Variants in PIK3CB observed in about 807,000 individuals in gnomAD.
PIK3CB encodes phosphatidylinositol 4,5-bisphosphate 3-kinase catalytic subunit beta isoform.
A neutral mutation model predicts 136.8 loss-of-function variants in PIK3CB; 39 were observed. That is an observed-to-expected ratio of 0.29 (90% CI 0.22 to 0.37). The LOEUF is 0.37. PIK3CB is among the 10% of genes least tolerant of loss of function. The pLI is 1.00. For missense variants in PIK3CB, 868 were observed against 1,275.4 expected, an observed-to-expected ratio of 0.68 and a Z score of 4.87; for synonymous variants, 428 against 436.6, an observed-to-expected ratio of 0.98 and a Z score of 0.25.
intron 2 of PIK3CB, among the ~76,000 whole-genome samples, chr3:138,775,128 G>A (rs2045843065): frequency 6.6e-6 from 1 of 152,218 alleles, no homozygotes; most frequent in Admixed American, 6.5e-5. Context: ...AAAAACTGAA[G>A]AAGTATCTGT....
At chr3:138,805,604 G>A (rs912746795) in intron 1 of PIK3CB, among the ~76,000 whole-genome samples, 47 of 151,454 alleles carry the variant, frequency 3.1e-4, no homozygotes, top group African/African-American at 1.1e-3. Context: ...CCTGGGAGGC[G>A]GAGCTTGCAG....
At chr3:138,737,648 T>A (rs1241810573) in intron 6 of PIK3CB, 59 bp downstream of exon 6, 2 of 402,744 alleles carry the variant, frequency 5.0e-6, no homozygotes, top group Non-Finnish European at 7.4e-6. Flanking sequence ...AAATAAAATA[T>A]ATATATATAT....
chr3:138,782,639 G>A (rs890886465), intron 2 of PIK3CB, among the ~76,000 whole-genome samples: 2 of 152,196 alleles, frequency 1.3e-5, no homozygotes, highest in African/African-American at 2.4e-5. Flanking sequence ...CCAGTGGAAT[G>A]TTCAGTGGAA....
At chr3:138,806,836 T>C (rs1332432191) in intron 1 of PIK3CB, among the ~76,000 whole-genome samples, 2 of 152,182 alleles carry the variant, frequency 1.3e-5, no homozygotes, top group Non-Finnish European at 2.9e-5. Flanking sequence ...ATACCACCCT[T>C]AAAATACAAG....
chr3:138,783,175 A>C (rs1433031342), intron 2 of PIK3CB, among the ~76,000 whole-genome samples: 1 of 152,214 alleles, frequency 6.6e-6, no homozygotes, highest in Non-Finnish European at 1.5e-5. Context: ...ACATATCGAC[A>C]GCTCTCCTCT....
At chr3:138,812,907 C>T (rs946733384) in intron 1 of PIK3CB, among the ~76,000 whole-genome samples, 3 of 152,062 alleles carry the variant, frequency 2.0e-5, no homozygotes, top group Admixed American at 2.0e-4. Flanking sequence ...TATAATAAAA[C>T]TGAATGACCT....
intron 19 of PIK3CB, among the ~76,000 whole-genome samples, chr3:138,681,604 G>A (rs2043783960): frequency 6.6e-6 from 1 of 152,160 alleles, no homozygotes; most frequent in Non-Finnish European, 1.5e-5. Context: ...GGTAGGTAGA[G>A]AAATCAATGT....
At chr3:138,818,709 T>C (rs533018951) in intron 1 of PIK3CB, among the ~76,000 whole-genome samples, 1 of 152,308 alleles carries the variant, frequency 6.6e-6, no homozygotes, top group South Asian at 2.1e-4. Flanking sequence ...GGCTCCCTCC[T>C]GCTAAAGAGC....
chr3:138,808,934 C>T (rs946902836), intron 1 of PIK3CB, among the ~76,000 whole-genome samples: 1 of 151,714 alleles, frequency 6.6e-6, no homozygotes, highest in African/African-American at 2.4e-5. Context: ...AGTTTTTATA[C>T]AACACCAAAA....
chr3:138,788,946 A>G (rs1460000063), intron 2 of PIK3CB, among the ~76,000 whole-genome samples: 2 of 138,172 alleles, frequency 1.4e-5, no homozygotes, highest in Non-Finnish European at 3.0e-5. Context: ...ACTGGGGGAA[A>G]AGAGAGAGAC....
chr3:138,731,337 C>T (rs935257660), intron 8 of PIK3CB, among the ~76,000 whole-genome samples: 44 of 151,976 alleles, frequency 2.9e-4, no homozygotes, highest in Non-Finnish European at 6.0e-4. Flanking sequence ...GGGGCAGCCT[C>T]GACCTCCCAG....
chr3:138,761,704 A>G (rs1264550371), intron 2 of PIK3CB, among the ~76,000 whole-genome samples: 2 of 152,146 alleles, frequency 1.3e-5, no homozygotes, highest in Non-Finnish European at 2.9e-5. Flanking sequence ...TGGGAGGCAG[A>G]GGTTGCAGTG....
chr3:138,744,875 C>T (rs2045321669), intron 4 of PIK3CB, among the ~76,000 whole-genome samples: 1 of 152,176 alleles, frequency 6.6e-6, no homozygotes, highest in Admixed American at 6.5e-5. Flanking sequence ...GTTAATTCCT[C>T]TCATGTGGTG....
At chr3:138,798,093 A>C (rs1213992196) in intron 1 of PIK3CB, among the ~76,000 whole-genome samples, 2 of 152,190 alleles carry the variant, frequency 1.3e-5, no homozygotes, top group Non-Finnish European at 2.9e-5. Context: ...ATAATATGCT[A>C]CCTTTGAGAT....
rs1397927706 is a variant in PIK3CB at position 138,737,760 on chromosome 3, C to T, written c.748G>A (p.Val250Ile). The T allele has an allele frequency of 1.2e-6, 2 of 1,611,800 alleles. No individual in the cohort carries two copies. The highest frequency in any genetic ancestry group is 2.7e-5 in the African/African-American group (2 of 74,804). ...AAAACATATTCTACTCTCCCGCTGA[C>T]TTGCAACACATAATCATAGGGGCTA... ...EVSPYDYVLQ[V>I]SGRVEYVFGD... Residue 250 changes from valine (V) to isoleucine (I), a missense_variant, in exon 6 of 24, where the codon GTC becomes ATC. Around this residue, in one of 4 missense-constraint regions of PIK3CB, gnomAD observed 612 missense variants for 801.1 expected, o/e 0.76. Transcript: ENST00000674063.
At chr3:138,750,227 C>T (rs980821755) in intron 4 of PIK3CB, among the ~76,000 whole-genome samples, 11 of 151,556 alleles carry the variant, frequency 7.3e-5, no homozygotes. Context: ...TCAAATCTGG[C>T]TAATTAGCAT....
At chr3:138,666,572 TC>T (rs1379858502) in intron 19 of PIK3CB, among the ~76,000 whole-genome samples, 2 of 152,202 alleles carry the variant, frequency 1.3e-5, no homozygotes, top group Non-Finnish European at 2.9e-5. Flanking sequence ...TTATATGAGC[TC>T]TTTGTATATT....
chr3:138,820,148 T>A (rs982504040), intron 1 of PIK3CB, among the ~76,000 whole-genome samples: 1 of 152,210 alleles, frequency 6.6e-6, no homozygotes, highest in South Asian at 2.1e-4. Context: ...CACTTTATAT[T>A]ACTAAGGCTA....
At chr3:138,726,393 G>T (rs893352837) in intron 8 of PIK3CB, among the ~76,000 whole-genome samples, 1 of 152,148 alleles carries the variant, frequency 6.6e-6, no homozygotes, top group African/African-American at 2.4e-5. Flanking sequence ...CACTAGGGGG[G>T]TGAGGGAAGG....
Sources: gnomAD v4.1 joint callset for allele counts (sites outside exome capture counted in the v4.1 genomes callset) on GRCh38, gnomAD v4.1.1 for gene constraint, gnomAD v4.1.1 regional missense constraint, MANE v1.5 for transcripts, NCBI Gene and HGNC (gene_info 2026-07-23, HGNC 2026-07-21) for gene names.